WWOX: variants seen among roughly 807,000 people sequenced by gnomAD.
WWOX encodes WW domain-containing oxidoreductase.
WWOX carries 69 observed loss-of-function variants against 46.2 expected under a neutral mutation model. The ratio of observed to expected loss-of-function variants is 1.49; its 90% confidence interval spans 1.23 to 1.82. The LOEUF (loss-of-function observed/expected upper bound fraction) is 1.82. Among genes scored for constraint, WWOX ranks in the 40% most tolerant of loss-of-function variants. The probability of loss-of-function intolerance (pLI) is 0.00; values close to 1 mark genes in which losing one functional copy is unlikely to be tolerated. For missense variants in WWOX, 919 were observed against 542.6 expected (o/e 1.69, Z -6.89); for synonymous variants, 359 against 202.6 (o/e 1.77, Z -6.56).
At chr16:78,671,339 C>T (rs1051640240) in intron 8 of WWOX, among the ~76,000 whole-genome samples, 8 of 152,152 alleles carry the variant, frequency 5.3e-5, no homozygotes, top group Middle Eastern at 3.2e-3. Context: ...ATGGAAGCAT[C>T]ATTTGAGCCT....
At chr16:78,867,774 A>G (rs1315078244) in intron 8 of WWOX, among the ~76,000 whole-genome samples, 1 of 152,112 alleles carries the variant, frequency 6.6e-6, no homozygotes, top group Non-Finnish European at 1.5e-5. Flanking sequence ...ACTAATTTTT[A>G]TACTGCCAAT....
intron 8 of WWOX, among the ~76,000 whole-genome samples, chr16:78,934,873 G>T (rs28453913): frequency 1.3e-5 from 2 of 152,170 alleles, no homozygotes; most frequent in Non-Finnish European, 2.9e-5. Flanking sequence ...GCCAAGGCGG[G>T]TGCATCACTT....
intron 8 of WWOX, among the ~76,000 whole-genome samples, chr16:78,976,893 C>T (rs2046583560): frequency 2.0e-5 from 3 of 152,208 alleles, no homozygotes; most frequent in Non-Finnish European, 2.9e-5. Flanking sequence ...CCGCACTCCA[C>T]CTCCCATGCC....
intron 7 of WWOX, 107 bp downstream of exon 7, chr16:78,425,162 A>G (rs2083047167): frequency 1.4e-6 from 2 of 1,454,206 alleles, no homozygotes; most frequent in South Asian, 1.2e-5. Context: ...TGCTTGAGAC[A>G]TGTGGGTGGA....
intron 8 of WWOX, among the ~76,000 whole-genome samples, chr16:78,575,044 T>TATATATATATATATATATATAA (rs2044832028): frequency 1.5e-4 from 1 of 6,768 alleles, no homozygotes. Flanking sequence ...TATATATATA[T>TATATATATATATATATATATAA]ATATATATAT....
At chr16:78,992,470 A>C (rs1430643271) in intron 8 of WWOX, among the ~76,000 whole-genome samples, 1 of 152,124 alleles carries the variant, frequency 6.6e-6, no homozygotes, top group Non-Finnish European at 1.5e-5. Context: ...CTATCTCAAA[A>C]AAACAAAACA....
chr16:78,313,293 T>C (rs1435013554), intron 5 of WWOX, among the ~76,000 whole-genome samples: 1 of 152,232 alleles, frequency 6.6e-6, no homozygotes, highest in African/African-American at 2.4e-5. Flanking sequence ...GTATTATAGA[T>C]CTGCTGGGAA....
Position 79,037,541 on chromosome 16 carries a change from G to A in WWOX, c.1057-174067G>A, listed in dbSNP as rs374297267. Among the ~76,000 whole-genome samples, 5 of 152,264 alleles carry A rather than the reference G, an allele frequency of 3.3e-5. No homozygotes were observed. In the East Asian group the frequency reaches 9.7e-4, roughly 29 times the overall value. On this transcript the variant is annotated intron_variant, in intron 8 of 8. Transcript: ENST00000566780. The stretch of plus-strand genomic sequence containing the variant: ...CTTCCCAAAGTCACACTGCTGATGA[G>A]TGACAGAGACCACATTTAAATCTGT...
At position 78,919,628 on chromosome 16, in the gene WWOX, C is replaced by T. The variant is rs184787833; in HGVS notation, c.1057-291980C>T. 2.0e-3 allele frequency among the ~76,000 whole-genome samples: 305 copies of T among 151,578 alleles called. 2 individuals carry two copies. The highest frequency in any genetic ancestry group is 1.6e-3 in the Non-Finnish European group (108 of 67,942). On this transcript the variant is annotated intron_variant, in intron 8 of 8. Coordinates refer to ENST00000566780, the MANE Select transcript of WWOX (RefSeq NM_016373.4). ...CGCCTCCCGGGATCAAGCGATTCTC[C>T]TGCCTCATGCTCCCGAATAGCTGGG...
rs544771186 is a variant in WWOX, at chr16:78,697,032, T to C, written c.1056+264280T>C. ...TGGCTGAGTAGTATTCCATTGTATA[T>C]TTATACCGTAGTTTCTTTATCCACT... On this transcript the variant is annotated intron_variant, in intron 8 of 8. Coordinates refer to ENST00000566780, the MANE Select transcript of WWOX (RefSeq NM_016373.4). 2.6e-5 allele frequency among the ~76,000 whole-genome samples: 4 copies of C among 152,344 alleles called. No individual in the cohort carries two copies. The South Asian group carries it at 6.2e-4, about 24-fold the overall frequency.
At chr16:79,019,380 A>G (rs539244553) in intron 8 of WWOX, among the ~76,000 whole-genome samples, 1 of 152,216 alleles carries the variant, frequency 6.6e-6, no homozygotes, top group South Asian at 2.1e-4. Flanking sequence ...TTAGCCTACA[A>G]AGCTATGCAA....
intron 8 of WWOX, among the ~76,000 whole-genome samples, chr16:78,610,428 C>T (rs556578281): frequency 3.3e-4 from 51 of 152,270 alleles, no homozygotes; most frequent in African/African-American, 1.2e-3. Flanking sequence ...AAGAACAAAT[C>T]TGTCTTTGAA....
At chr16:78,933,522 C>T (rs1038369800) in intron 8 of WWOX, among the ~76,000 whole-genome samples, 2 of 152,212 alleles carry the variant, frequency 1.3e-5, no homozygotes, top group African/African-American at 2.4e-5. Context: ...GGTTAGGATA[C>T]GTCGGAGGAG....
At position 78,487,852 on chromosome 16, in the gene WWOX, C is replaced by T. The variant is rs112966470; in HGVS notation, c.1056+55100C>T. Among the ~76,000 whole-genome samples, 338 of 152,224 alleles carry T rather than the reference C, an allele frequency of 2.2e-3. 1 individual carries two copies. The highest frequency in any genetic ancestry group is 7.8e-3 in the African/African-American group (325 of 41,518). ...CTGGCTTCCAGGAACCACCAATCCC[C>T]CAACACTAGGATAGGGCATAAGGCA... On this transcript the variant is annotated intron_variant, in intron 8 of 8. Coordinates refer to ENST00000566780, the MANE Select transcript of WWOX (RefSeq NM_016373.4).
chr16:78,822,201 A>G (rs1300252778), intron 8 of WWOX, among the ~76,000 whole-genome samples: 1 of 152,096 alleles, frequency 6.6e-6, no homozygotes, highest in East Asian at 1.9e-4. Flanking sequence ...AGTGTCAAAA[A>G]ATCTACGTGA....
Position 78,548,191 on chromosome 16 carries a change from C to T in WWOX, c.1056+115439C>T, listed in dbSNP as rs555752385. Among the ~76,000 whole-genome samples, 114 of 126,580 alleles carry T rather than the reference C, an allele frequency of 9.0e-4. 3 individuals are homozygous for T. Among genetic ancestry groups the T allele is most frequent in the African/African-American group, 2.8e-3 (100 of 35,942 alleles). 83.0% of individuals were successfully genotyped at this position (126,580 alleles called of 152,430 possible). A position where few individuals can be genotyped will look rare whatever the true frequency, so the allele number is the denominator to read the frequency against. On this transcript the variant is annotated intron_variant, in intron 8 of 8. Coordinates refer to ENST00000566780, the MANE Select transcript of WWOX (RefSeq NM_016373.4). ...AAAAAAAAAAAAATTACGAATTTTG[C>T]GAGGACGCAAACATTTAATCCGTAG...
intron 8 of WWOX, among the ~76,000 whole-genome samples, chr16:79,167,673 T>A (rs981210871): frequency 1.3e-5 from 2 of 152,242 alleles, no homozygotes; most frequent in African/African-American, 4.8e-5. Flanking sequence ...AGATTCAAAT[T>A]CAGGCCACAA....
intron 8 of WWOX, among the ~76,000 whole-genome samples, chr16:78,991,341 T>C (rs4888903): frequency 0.98 from 149,693 of 152,214 alleles, 73,675 homozygotes; most frequent in East Asian, 1. Context: ...CGCCTGTAAT[T>C]CCAGCATTTT....
chr16:78,314,702 TTTTTTTTTTTTTTTTTTTTC>T (rs1218040815), intron 5 of WWOX, among the ~76,000 whole-genome samples: 4 of 49,198 alleles, frequency 8.1e-5, no homozygotes. Context: ...TTTTTTTTTG[TTTTTTTTTTTTTTTTTTTTC>T]TGTATTTTCA....
Sources: gnomAD v4.1 joint callset for allele counts (sites outside exome capture counted in the v4.1 genomes callset) on GRCh38, gnomAD v4.1.1 for gene constraint, MANE v1.5 for transcripts, NCBI Gene and HGNC (gene_info 2026-07-23, HGNC 2026-07-21) for gene names.